The following POMT1 variants were observed in gnomAD, a reference collection of about 807,000 sequenced individuals.
The protein encoded by POMT1 is protein O-mannosyl-transferase 1.
POMT1 carries 85 observed loss-of-function variants against 101.6 expected under a neutral mutation model. The ratio of observed to expected loss-of-function variants is 0.84; its 90% CI spans 0.70 to 1.00. The LOEUF (loss-of-function observed/expected upper bound fraction) is 1.00, where lower values mean the gene tolerates loss of function less well. Among genes scored for constraint, POMT1 ranks in the 50% least tolerant of loss-of-function variants. The probability of loss-of-function intolerance (pLI) is 0.00; values close to 1 mark genes in which losing one functional copy is unlikely to be tolerated. For missense variants in POMT1, 857 were observed against 930.4 expected (o/e 0.92, Z 1.03); for synonymous variants, 371 against 383.0 (o/e 0.97, Z 0.37).
At chr9:131,508,194 G>T (rs910029582) in intron 5 of POMT1, among the ~76,000 whole-genome samples, 1 of 149,598 alleles carries the variant, frequency 6.7e-6, no homozygotes, top group Admixed American at 6.7e-5. Context: ...CCAAGACTGC[G>T]CCACTGCACT....
intron 5 of POMT1, among the ~76,000 whole-genome samples, chr9:131,508,231 C>T (rs191603566): frequency 9.7e-4 from 122 of 126,078 alleles, no homozygotes; most frequent in Middle Eastern, 7.4e-3. Context: ...AGCAAGACTC[C>T]ATCTCAAAAA....
chr9:131,504,060 C>T, intron 1 of POMT1, 129 bp from the exon 2 acceptor site: 1 of 1,099,890 alleles, frequency 9.1e-7, no homozygotes, highest in Non-Finnish European at 1.4e-6. Context: ...GCTCCAGGAA[C>T]TTCGGTCTTT....
intron 13 of POMT1, chr9:131,518,213 C>T (rs755791147): frequency 1.6e-5 from 10 of 618,084 alleles, no homozygotes; most frequent in East Asian, 6.5e-5. Flanking sequence ...GCCTCTTGTA[C>T]GGCCTTGGCG....
rs762736899 is a variant in POMT1 at position 131,509,786 on chromosome 9, G to A, written c.583G>A (p.Val195Ile). 1 of 1,614,198 alleles carries A rather than the reference G, an allele frequency of 6.2e-7. No individual in the cohort carries two copies. The highest frequency in any genetic ancestry group is 8.5e-7 in the Non-Finnish European group (1 of 1,180,030). The stretch of plus-strand genomic sequence containing the variant: ...GTGGTTCTGGCTAACACTGACAGGG[G>A]TCGCTTGTTCCTGTGCAGTGGGGTG... ...SWWFWLTLTG[V>I]ACSCAVGIKY... is the part of the protein sequence containing the mutation. Residue 195 changes from valine to isoleucine, a missense_variant, in exon 7 of 20, where the codon GTC becomes ATC. Transcript: ENST00000402686.
At position 131,515,502 on chromosome 9, in the gene POMT1, G is replaced by T. The variant is rs142057517; in HGVS notation, c.1252G>T (p.Ala418Ser). 1 of 1,613,972 alleles carries T rather than the reference G, an allele frequency of 6.2e-7. No individual in the cohort carries two copies. Among genetic ancestry groups the T allele is most frequent in the Non-Finnish European group, 8.5e-7 (1 of 1,179,980 alleles). Residue 418 changes from alanine (A) to serine (S), a missense_variant, in exon 13 of 20, where the codon GCC becomes TCC. By Grantham distance (99) the Ala-to-Ser change is moderately conservative (BLOSUM62 1). Coordinates refer to ENST00000402686, the MANE Select transcript of POMT1 (RefSeq NM_001077365.2). ...CATTGACTATAACATCTCCATGCCC[G>T]CCCAGAACCTCTGGAGACTGGTGAG... Reference protein sequence around the residue: ...CYIDYNISMPAQNLWRLEIVN... With the variant: ...CYIDYNISMPSQNLWRLEIVN...
chr9:131,507,643 C>A, intron 5 of POMT1, 129 bp downstream of exon 5: 2 of 1,336,886 alleles, frequency 1.5e-6, no homozygotes, highest in South Asian at 1.2e-5. Context: ...AAATTTGACG[C>A]TGCAAGTCAC....
intron 12 of POMT1, among the ~76,000 whole-genome samples, chr9:131,514,642 A>T (rs1369817940): frequency 1.3e-5 from 2 of 152,114 alleles, no homozygotes; most frequent in African/African-American, 2.4e-5. Context: ...ATGGTTACTG[A>T]GTGTGTGGAT....
At position 131,503,175 on chromosome 9, in the gene POMT1, G is replaced by A. The variant is rs988289184; in HGVS notation, c.-31+102G>A. 7.9e-5 allele frequency: 12 copies of A among 152,396 alleles called. No homozygotes were observed. Among genetic ancestry groups the A allele is most frequent in the African/African-American group, 1.4e-4 (6 of 41,578 alleles). The allele number at this position is 152,396 out of a possible 1,614,324, so 9.4% of individuals were successfully genotyped here. A position where few individuals can be genotyped will look rare whatever the true frequency, so the allele number is the denominator to read the frequency against. ...GCTTGCGGACGGGCTGGGGCCGGGG[G>A]CGTCCCCGTCTTTCCGGAGCTGGGG... On this transcript the variant is annotated intron_variant, in intron 1 of 19. Coordinates refer to ENST00000402686, the MANE Select transcript of POMT1 (RefSeq NM_001077365.2). The surrounding 1 kb of genome is among the most constrained non-coding windows in gnomAD (Gnocchi z 4.4).
chr9:131,511,300 C>T (rs1455249999), intron 9 of POMT1, 37 bp from the exon 10 acceptor site: 1 of 1,579,988 alleles, frequency 6.3e-7, no homozygotes, highest in East Asian at 2.3e-5. Context: ...ATTTTTCTTT[C>T]TGTCTCTCAC....
intron 5 of POMT1, among the ~76,000 whole-genome samples, chr9:131,508,533 A>AT (rs879261371): frequency 2.0e-5 from 3 of 152,050 alleles, no homozygotes; most frequent in Non-Finnish European, 4.4e-5. Flanking sequence ...CTGTCTCAAA[A>AT]AAATAAATAA....
rs1949312996 is a variant in POMT1, at chr9:131,518,903, CG to C, written c.1436del (p.Gly479AlafsTer56). 6.2e-7 allele frequency: 1 copy of C among 1,613,724 alleles called. No individual in the cohort carries two copies. Among genetic ancestry groups the C allele is most frequent in the Non-Finnish European group, 8.5e-7 (1 of 1,180,040 alleles). ...GGAGATCGTCGGGGAGAAGCTGTCCCGGGGCTACCACGGGAGCACGGTGTGG... is the reference window on the plus strand; with the variant it reads ...GGAGATCGTCGGGGAGAAGCTGTCCCGGGCTACCACGGGAGCACGGTGTGG... ...QLEIVGEKLS[R>X]GYHGSTVWNV... On this transcript the variant is annotated frameshift_variant, in exon 15 of 20. Transcript: ENST00000402686. LOFTEE classifies it high-confidence loss of function.
At chr9:131,507,333 G>C in intron 4 of POMT1, 35 bp from the exon 5 acceptor site, 1 of 1,613,788 alleles carries the variant, frequency 6.2e-7, no homozygotes, top group Non-Finnish European at 8.5e-7. Flanking sequence ...TGTGTGCACA[G>C]TGTAGTCAGC....
At position 131,507,490 on chromosome 9, in the gene POMT1, G is replaced by A; in HGVS notation, c.403G>A (p.Gly135Arg). ...CCACTTTTCTCATTGTGCCGCCATGGGAGCTGCTCTGTTGATGCTTATCGG... is the reference window on the plus strand; with the variant it reads ...CCACTTTTCTCATTGTGCCGCCATGAGAGCTGCTCTGTTGATGCTTATCGG... ...ELHFSHCAAMGAALLMLIENA... is the reference protein window; with the variant it reads ...ELHFSHCAAMRAALLMLIENA... The change falls in exon 5 of 20, where the codon GGA (glycine) becomes AGA (arginine). Residue 135 changes from glycine to arginine, a missense_variant. Transcript: ENST00000402686. The A allele has an allele frequency of 6.2e-7, 1 of 1,614,170 alleles. No homozygotes were observed. The highest frequency in any genetic ancestry group is 1.1e-5 in the South Asian group (1 of 91,084).
Position 131,509,997 on chromosome 9 carries a change from G to A in POMT1, c.699+1G>A, listed in dbSNP as rs1275810616. ...GCTTGGAGACCAGACTTTGTCCAAT[G>A]TAGGTGCTGATGTCCAGTGCTGCAT... On this transcript the variant is annotated splice_donor_variant, in intron 8 of 19. Transcript: ENST00000402686. LOFTEE classifies it high-confidence loss of function. 8 of 1,614,124 alleles carry A rather than the reference G, an allele frequency of 5.0e-6. No homozygotes were observed. Among genetic ancestry groups the A allele is most frequent in the African/African-American group, 1.3e-5 (1 of 74,954 alleles).
Position 131,523,236 on chromosome 9 carries a change from T to G in POMT1, c.*130T>G. 1 of 1,103,590 alleles carries G rather than the reference T, an allele frequency of 9.1e-7. No individual in the cohort carries two copies. Among genetic ancestry groups the G allele is most frequent in the Non-Finnish European group, 1.3e-6 (1 of 757,404 alleles). 68.4% of individuals were successfully genotyped at this position (1,103,590 alleles called of 1,614,324 possible). ...GGGCTGGGCTGAGCAGGGCCTCTAG[T>G]GGAACACATGGGGGTCTCATTGAAA... On this transcript the variant is annotated 3_prime_UTR_variant, in exon 20 of 20. Transcript: ENST00000402686.
intron 11 of POMT1, 78 bp from the exon 12 acceptor site, chr9:131,513,161 G>A: frequency 8.0e-7 from 1 of 1,245,816 alleles, no homozygotes; most frequent in Non-Finnish European, 1.2e-6. Context: ...TGAGAATTCA[G>A]AGCTGTGCCC....
intron 8 of POMT1, 25 bp downstream of exon 8, chr9:131,510,021 A>C: frequency 6.2e-7 from 1 of 1,614,226 alleles, no homozygotes; most frequent in South Asian, 1.1e-5. Flanking sequence ...CCAGTGCTGC[A>C]TGAGGCCGGC....
chr9:131,511,592 C>T (rs569492163), intron 10 of POMT1, 125 bp downstream of exon 10: 33 of 1,343,320 alleles, frequency 2.5e-5, no homozygotes, highest in Admixed American at 5.8e-5. Context: ...TTGAGCAGCC[C>T]GGGTGCTGAT....
intron 15 of POMT1, 22 bp downstream of exon 15, chr9:131,518,979 C>T (rs539569574): frequency 1.1e-4 from 178 of 1,612,992 alleles, no homozygotes; most frequent in Non-Finnish European, 1.3e-4. Flanking sequence ...GCGTGGCTTC[C>T]GCCGCTCCTG....
Sources: allele counts gnomAD v4.1 joint callset (sites outside exome capture counted in the v4.1 genomes callset), GRCh38; gene constraint gnomAD v4.1.1; non-coding constraint Gnocchi (gnomAD v3.1); transcripts MANE v1.5; gene names NCBI Gene and HGNC (gene_info 2026-07-23, HGNC 2026-07-21).